Variants in SNX8 observed in about 807,000 individuals in gnomAD.
SNX8 encodes sorting nexin 8, also known as sorting nexin-8.
Under a neutral mutation model 51.6 loss-of-function variants are expected in SNX8, and 25 were observed. That is an observed-to-expected ratio of 0.48 (90% confidence interval 0.35 to 0.68). SNX8 has a LOEUF of 0.68. SNX8 is among the 30% of genes least tolerant of loss of function. SNX8 has a pLI of 0.00. For missense variants in SNX8, 695 were observed against 624.0 expected (o/e 1.11, Z -1.21); for synonymous variants, 324 against 277.0 (o/e 1.17, Z -1.68).
intron 5 of SNX8, among the ~76,000 whole-genome samples, chr7:2,267,206 G>A (rs1440921737): frequency 6.6e-6 from 1 of 152,232 alleles, no homozygotes; most frequent in African/African-American, 2.4e-5. Flanking sequence ...CATAATCCCT[G>A]CCACGCAGAG....
intron 1 of SNX8, among the ~76,000 whole-genome samples, chr7:2,335,258 C>T (rs1179740782): frequency 1.3e-5 from 2 of 151,920 alleles, no homozygotes; most frequent in African/African-American, 2.4e-5. Context: ...CATGAACAGC[C>T]AACGGATAAA....
intron 1 of SNX8, among the ~76,000 whole-genome samples, chr7:2,321,786 G>A (rs1369292469): frequency 9.9e-5 from 13 of 130,654 alleles, no homozygotes; most frequent in African/African-American, 1.5e-4. Context: ...TTGCGATCTC[G>A]GATCTCGGCT....
At chr7:2,267,205 T>C (rs1054607450) in intron 5 of SNX8, among the ~76,000 whole-genome samples, 1 of 152,334 alleles carries the variant, frequency 6.6e-6, no homozygotes, top group Admixed American at 6.5e-5. Flanking sequence ...GCATAATCCC[T>C]GCCACGCAGA....
intron 1 of SNX8, among the ~76,000 whole-genome samples, chr7:2,352,710 C>G (rs1466917042): frequency 6.6e-6 from 1 of 152,072 alleles, no homozygotes; most frequent in Non-Finnish European, 1.5e-5. Context: ...GTGGCGGGCA[C>G]CTGTATTCCC....
intron 1 of SNX8, among the ~76,000 whole-genome samples, chr7:2,311,001 A>C (rs1479916769): frequency 6.6e-6 from 1 of 152,184 alleles, no homozygotes; most frequent in Non-Finnish European, 1.5e-5. Flanking sequence ...TTAATCTACA[A>C]TGTTCTATTC....
At chr7:2,342,408 C>A (rs967901985) in intron 1 of SNX8, among the ~76,000 whole-genome samples, 1 of 151,984 alleles carries the variant, frequency 6.6e-6, no homozygotes, top group Non-Finnish European at 1.5e-5. Context: ...AATCCCAGCA[C>A]TTTGGGGGGC....
Position 2,351,699 on chromosome 7 carries a change from C to T in SNX8, c.-66+2523G>A, listed in dbSNP as rs573779473. Among the ~76,000 whole-genome samples the T allele has an allele frequency of 3.7e-3, 554 of 151,630 alleles. 3 individuals carry two copies. Among genetic ancestry groups the T allele is most frequent in the African/African-American group, 0.013 (527 of 41,382 alleles). On this transcript the variant is annotated intron_variant, in intron 1 of 5. Transcript: ENST00000435336. Reference sequence around the variant, plus strand: ...ACAAAAAATTAGCCGGGTGTGGTGGCAGGCGCCTGTAGTCCCAGCTACTCG... The same window carrying T: ...ACAAAAAATTAGCCGGGTGTGGTGGTAGGCGCCTGTAGTCCCAGCTACTCG...
intron 1 of SNX8, among the ~76,000 whole-genome samples, chr7:2,331,061 C>G (rs1463982503): frequency 1.3e-5 from 2 of 151,330 alleles, no homozygotes; most frequent in Non-Finnish European, 2.9e-5. Flanking sequence ...TGGCAGGCAC[C>G]TGTAATTGCA....
rs546607837 is a variant in SNX8 at position 2,275,182 on chromosome 7, G to T, written c.348C>A (p.Phe116Leu). The change falls in exon 3 of 11, where the codon TTC becomes TTA. Residue 116 changes from phenylalanine (F) to leucine (L), a missense_variant. Transcript: ENST00000222990. ...GGAACTTGTGCAGGAGCATCTCCTG[G>T]AAGACCACGAAGTCATTGTACCGTC... The part of the protein sequence containing the change: ...VYRRYNDFVV[F>L]QEMLLHKFPY... The T allele has an allele frequency of 6.2e-7, 1 of 1,614,162 alleles. No individual in the cohort carries two copies. The highest frequency in any genetic ancestry group is 1.7e-5 in the Admixed American group (1 of 60,014).
chr7:2,319,686 G>T (rs912615599), intron 1 of SNX8, among the ~76,000 whole-genome samples: 3 of 152,110 alleles, frequency 2.0e-5, no homozygotes, highest in African/African-American at 7.2e-5. Flanking sequence ...GTGGTGGCGG[G>T]CGCCTGTAGT....
chr7:2,328,718 G>A (rs904123372), intron 1 of SNX8, among the ~76,000 whole-genome samples: 1 of 152,136 alleles, frequency 6.6e-6, no homozygotes, highest in Non-Finnish European at 1.5e-5. Flanking sequence ...TTGGGAGGCC[G>A]AGGTGGGCAG....
chr7:2,291,043 C>A (rs184871757), intron 1 of SNX8, among the ~76,000 whole-genome samples: 7 of 152,174 alleles, frequency 4.6e-5, no homozygotes, highest in African/African-American at 1.7e-4. Flanking sequence ...CCTGCAATCC[C>A]AGAACTTTGG....
At chr7:2,286,774 C>T (rs936262651) in intron 1 of SNX8, among the ~76,000 whole-genome samples, 1 of 151,896 alleles carries the variant, frequency 6.6e-6, no homozygotes, top group African/African-American at 2.4e-5. Flanking sequence ...CCTCAGCCTC[C>T]CAAAGTGCTG....
intron 8 of SNX8, 101 bp downstream of exon 8, chr7:2,257,634 C>G: frequency 6.4e-7 from 1 of 1,561,834 alleles, no homozygotes; most frequent in Non-Finnish European, 8.8e-7. Flanking sequence ...GCAGCCCTGG[C>G]TTCTCAGCTC....
chr7:2,318,518 T>C (rs575482433), upstream of SNX8, among the ~76,000 whole-genome samples: 8 of 146,660 alleles, frequency 5.5e-5, no homozygotes, highest in South Asian at 6.5e-4. Context: ...AGCGAAACTC[T>C]GTCTCAAAAA....
chr7:2,303,979 A>T (rs1051333513), intron 1 of SNX8, among the ~76,000 whole-genome samples: 5 of 149,754 alleles, frequency 3.3e-5, no homozygotes, highest in South Asian at 4.2e-4. Flanking sequence ...ATAAAAAATA[A>T]AAAAAAATAA....
intron 1 of SNX8, among the ~76,000 whole-genome samples, chr7:2,292,329 A>T (rs1584710035): frequency 6.6e-6 from 1 of 152,114 alleles, no homozygotes; most frequent in Admixed American, 6.6e-5. Context: ...CTGATCACAG[A>T]CCTAAATGCA....
intron 1 of SNX8, among the ~76,000 whole-genome samples, chr7:2,331,184 C>CA (rs71023397): frequency 0.49 from 37,209 of 76,402 alleles, 8,914 homozygotes; most frequent in Non-Finnish European, 0.6. Context: ...GACTCTGTCT[C>CA]AAAAAAAAAA....
chr7:2,304,597 C>A (rs890456522), intron 1 of SNX8, among the ~76,000 whole-genome samples: 1 of 152,116 alleles, frequency 6.6e-6, no homozygotes, highest in Non-Finnish European at 1.5e-5. Flanking sequence ...GGAATACGGT[C>A]CCCTCACTGA....
Sources: allele counts gnomAD v4.1 joint callset (sites outside exome capture counted in the v4.1 genomes callset), GRCh38; gene constraint gnomAD v4.1.1; transcripts MANE v1.5; gene names NCBI Gene and HGNC (gene_info 2026-07-23, HGNC 2026-07-21).